ADAMTS17: variants seen among roughly 807,000 people sequenced by gnomAD.
The protein encoded by ADAMTS17 is ADAM metallopeptidase with thrombospondin type 1 motif 17.
ADAMTS17 carries 113 observed loss-of-function variants against 141.5 expected under a neutral mutation model. That is an observed-to-expected ratio of 0.80 (90% CI 0.69 to 0.93). ADAMTS17 has a LOEUF of 0.93. Among genes scored for constraint, ADAMTS17 ranks in the 40% least tolerant of loss-of-function variants. The pLI, the probability that ADAMTS17 is intolerant of heterozygous loss-of-function variation, is 0.00. For missense variants in ADAMTS17, 1,659 were observed against 1,517.9 expected, an observed-to-expected ratio of 1.09 and a Z score of -1.54; for synonymous variants, 768 against 630.6, an observed-to-expected ratio of 1.22 and a Z score of -3.27.
chr15:100,049,065 T>C, intron 17 of ADAMTS17, 73 bp from the exon 18 acceptor site: 1 of 1,609,868 alleles, frequency 6.2e-7, no homozygotes, highest in Non-Finnish European at 8.5e-7. Context: ...TGCATGCCCA[T>C]GAAAGCATGT....
At chr15:100,133,588 TATCA>T (rs1306628478) in intron 10 of ADAMTS17, among the ~76,000 whole-genome samples, 1 of 152,122 alleles carries the variant, frequency 6.6e-6, no homozygotes, top group Non-Finnish European at 1.5e-5. Context: ...GCCTAGGAGA[TATCA>T]GAGGCACAGC....
At chr15:100,066,583 T>C (rs532226038) in intron 15 of ADAMTS17, among the ~76,000 whole-genome samples, 3 of 152,344 alleles carry the variant, frequency 2.0e-5, no homozygotes, top group Admixed American at 1.3e-4. Flanking sequence ...AATGTCTTCA[T>C]TGACATTCTC....
At chr15:100,004,529 C>G (rs1460351495) in intron 18 of ADAMTS17, among the ~76,000 whole-genome samples, 1 of 151,866 alleles carries the variant, frequency 6.6e-6, no homozygotes, top group Non-Finnish European at 1.5e-5. Flanking sequence ...TATTTTTTTC[C>G]ACTAGTAAGC....
chr15:100,303,684 C>T (rs1017024667), intron 3 of ADAMTS17, among the ~76,000 whole-genome samples: 1 of 152,014 alleles, frequency 6.6e-6, no homozygotes, highest in East Asian at 1.9e-4. Flanking sequence ...CTCTGCTCAA[C>T]AGTTTTAATC....
At chr15:100,010,014 G>T (rs1331755335) in intron 18 of ADAMTS17, among the ~76,000 whole-genome samples, 1 of 152,140 alleles carries the variant, frequency 6.6e-6, no homozygotes, top group Non-Finnish European at 1.5e-5. Flanking sequence ...CATGAGGGTG[G>T]TTTTTTTCCC....
intron 3 of ADAMTS17, among the ~76,000 whole-genome samples, chr15:100,286,930 A>G (rs1354673210): frequency 6.6e-6 from 1 of 152,210 alleles, no homozygotes; most frequent in East Asian, 1.9e-4. Flanking sequence ...CCATTATAAG[A>G]AAGATCTGAT....
intron 20 of ADAMTS17, chr15:99,980,472 G>A (rs1219129495): frequency 6.6e-6 from 1 of 152,300 alleles, no homozygotes; most frequent in African/African-American, 2.4e-5. Context: ...GGAAAGGCAG[G>A]CAGCCTCCTA....
intron 20 of ADAMTS17, among the ~76,000 whole-genome samples, chr15:99,981,340 G>C (rs1376294996): frequency 1.3e-5 from 2 of 150,632 alleles, no homozygotes; most frequent in African/African-American, 5.0e-5. Context: ...CTGTTCACTA[G>C]TGCCCCCATG....
intron 8 of ADAMTS17, among the ~76,000 whole-genome samples, chr15:100,184,601 G>A (rs1474152582): frequency 5.9e-5 from 9 of 152,096 alleles, no homozygotes. Flanking sequence ...TTTTTCTTTG[G>A]GGACCAGACC....
rs1301350010 is a variant in ADAMTS17, at chr15:100,002,227, G to T, written c.2592-4638C>A. Reference sequence around the variant, plus strand: ...TTTTGCAGTTGACTTTGTGAATAAAGACGTCAGGCTTTAGGGTGAGACCTG... The same window carrying T: ...TTTTGCAGTTGACTTTGTGAATAAATACGTCAGGCTTTAGGGTGAGACCTG... On this transcript the variant is annotated intron_variant, in intron 18 of 21. Transcript: ENST00000268070. 1.3e-5 allele frequency among the ~76,000 whole-genome samples: 2 copies of T among 151,884 alleles called. 1 individual carries two copies. The highest frequency in any genetic ancestry group is 4.8e-5 in the African/African-American group (2 of 41,240).
At chr15:100,330,355 G>GA (rs1349897071) in intron 3 of ADAMTS17, among the ~76,000 whole-genome samples, 10 of 152,330 alleles carry the variant, frequency 6.6e-5, no homozygotes, top group Admixed American at 6.5e-4. Context: ...AACTACAGAT[G>GA]ACTGGACCCT....
At chr15:100,220,697 G>A (rs1596306888) in intron 7 of ADAMTS17, among the ~76,000 whole-genome samples, 1 of 152,034 alleles carries the variant, frequency 6.6e-6, no homozygotes, top group Non-Finnish European at 1.5e-5. Context: ...CGAGCCCCTG[G>A]CACCCACTAA....
intron 18 of ADAMTS17, among the ~76,000 whole-genome samples, chr15:100,002,869 C>A (rs887372219): frequency 6.6e-6 from 1 of 151,876 alleles, no homozygotes; most frequent in Non-Finnish European, 1.5e-5. Flanking sequence ...GGAGTTCTTA[C>A]AATCTCCCTC....
At chr15:100,072,141 G>A (rs938575602) in intron 15 of ADAMTS17, among the ~76,000 whole-genome samples, 4 of 149,780 alleles carry the variant, frequency 2.7e-5, no homozygotes, top group Non-Finnish European at 5.9e-5. Flanking sequence ...AATCATGAGT[G>A]AACTCCCATT....
Position 99,974,332 on chromosome 15 carries a change from G to A in ADAMTS17, c.*70C>T. ...AGCCGGGTGGGGGCGTGGCCACAAG[G>A]CTGGTAGGCTTGCGGGTGGGTGGGT... is the stretch of plus-strand genomic sequence containing the variant. On this transcript the variant is annotated 3_prime_UTR_variant, in exon 22 of 22. Coordinates refer to ENST00000268070, the MANE Select transcript of ADAMTS17 (RefSeq NM_139057.4). 6.2e-7 allele frequency: 1 copy of A among 1,604,336 alleles called. No homozygotes were observed. The highest frequency in any genetic ancestry group is 2.2e-5 in the East Asian group (1 of 44,836).
chr15:100,233,448 G>A (rs1282805882), intron 7 of ADAMTS17, among the ~76,000 whole-genome samples: 2 of 151,420 alleles, frequency 1.3e-5, no homozygotes, highest in African/African-American at 4.9e-5. Context: ...TGTGTCCTGA[G>A]TCCTTCATCT....
intron 8 of ADAMTS17, among the ~76,000 whole-genome samples, chr15:100,167,768 T>G (rs758626186): frequency 2.6e-5 from 4 of 152,232 alleles, no homozygotes; most frequent in African/African-American, 7.2e-5. Flanking sequence ...GAGATAATTA[T>G]GGGAAAAGGT....
At chr15:100,097,811 C>T (rs1460462916) in intron 14 of ADAMTS17, among the ~76,000 whole-genome samples, 2 of 152,232 alleles carry the variant, frequency 1.3e-5, no homozygotes, top group East Asian at 1.9e-4. Flanking sequence ...TCATGGCATG[C>T]TACTCAAAGG....
At chr15:100,282,948 A>G (rs952336328) in intron 3 of ADAMTS17, among the ~76,000 whole-genome samples, 7 of 152,230 alleles carry the variant, frequency 4.6e-5, no homozygotes, top group African/African-American at 1.7e-4. Context: ...AATAAATACT[A>G]AAACACCTAG....
Sources: gnomAD v4.1 joint callset for allele counts (sites outside exome capture counted in the v4.1 genomes callset) on GRCh38, gnomAD v4.1.1 for gene constraint, MANE v1.5 for transcripts, NCBI Gene and HGNC (gene_info 2026-07-23, HGNC 2026-07-21) for gene names.